The following ZNF157 variants were observed in gnomAD, a reference collection of about 807,000 sequenced individuals.
ZNF157 encodes zinc finger protein 157.
A neutral mutation model predicts 9.4 loss-of-function variants in ZNF157; 8 were observed. The ratio of observed to expected loss-of-function variants is 0.85; its 90% CI spans 0.50 to 1.53. The LOEUF is 1.53. Ranked by LOEUF, ZNF157 falls within the 40% of genes most tolerant of loss-of-function variation. The probability of loss-of-function intolerance (pLI) is 0.00; values close to 1 mark genes in which losing one functional copy is unlikely to be tolerated. For missense variants in ZNF157, 316 were observed against 385.2 expected (o/e 0.82, Z 1.50); for synonymous variants, 120 against 130.8 (o/e 0.92, Z 0.56).
intron 1 of ZNF157, among the ~76,000 whole-genome samples, chrX:47,401,100 G>A (rs764467620): frequency 1.8e-5 from 2 of 112,153 alleles, no homozygotes; most frequent in East Asian, 5.6e-4. Context: ...CGTATAAACT[G>A]TTTGCATTAT....
chrX:47,397,518 G>A (rs1400820172), intron 1 of ZNF157, among the ~76,000 whole-genome samples: 1 of 110,766 alleles, frequency 9.0e-6, no homozygotes, highest in Admixed American at 9.7e-5. Context: ...GGGTTCAAGC[G>A]ATTCTCCTGC....
chrX:47,399,297 C>A (rs776585385), intron 1 of ZNF157, among the ~76,000 whole-genome samples: 5 of 111,052 alleles, frequency 4.5e-5, no homozygotes. Context: ...CACTGTCAAC[C>A]GCAATTTTGT....
chrX:47,391,882 A>G (rs1194816712), intron 1 of ZNF157, among the ~76,000 whole-genome samples: 2 of 89,910 alleles, frequency 2.2e-5, no homozygotes, highest in African/African-American at 8.6e-5. Context: ...TGGATACTGA[A>G]CCTGTATTGA....
chrX:47,375,660 A>G (rs1334453958), intron 1 of ZNF157, among the ~76,000 whole-genome samples: 1 of 106,755 alleles, frequency 9.4e-6, no homozygotes, highest in African/African-American at 3.4e-5. Context: ...CCGAACCTCT[A>G]TCAACCACTC....
chrX:47,371,347 A>G (rs2055828243), intron 1 of ZNF157, among the ~76,000 whole-genome samples: 1 of 109,125 alleles, frequency 9.2e-6, no homozygotes, highest in Non-Finnish European at 1.9e-5. Flanking sequence ...AAAAAAAAAA[A>G]AAGTTTTATT....
chrX:47,398,486 T>C (rs1210977308), intron 1 of ZNF157, among the ~76,000 whole-genome samples: 3 of 109,104 alleles, frequency 2.7e-5, no homozygotes, highest in Non-Finnish European at 5.6e-5. Flanking sequence ...CTATTATTTC[T>C]TTTTTTATTT....
chrX:47,409,723 A>G (rs1329936363), intron 1 of ZNF157, among the ~76,000 whole-genome samples: 1 of 106,599 alleles, frequency 9.4e-6, no homozygotes, highest in Admixed American at 1.0e-4. Context: ...GGCTCACTGC[A>G]ACCTCCGCCT....
At chrX:47,378,752 C>T (rs746073618) in intron 1 of ZNF157, among the ~76,000 whole-genome samples, 3 of 110,981 alleles carry the variant, frequency 2.7e-5, no homozygotes, top group Non-Finnish European at 5.7e-5. Flanking sequence ...GCAGGAGAAT[C>T]GCTTGAACCC....
At chrX:47,375,250 T>C (rs112918620) in intron 1 of ZNF157, among the ~76,000 whole-genome samples, 42,863 of 107,087 alleles carry the variant, frequency 0.4, 7,092 homozygotes, top group African/African-American at 0.61. Flanking sequence ...CTCCTGACCT[T>C]GTGATCCACC....
chrX:47,398,611 G>A (rs1017660439), intron 1 of ZNF157, among the ~76,000 whole-genome samples: 75 of 110,590 alleles, frequency 6.8e-4, no homozygotes, highest in African/African-American at 2.2e-3. Flanking sequence ...GGGTTCAAGC[G>A]ATTCTCCTGC....
At chrX:47,372,490 T>C (rs947843211) in intron 1 of ZNF157, among the ~76,000 whole-genome samples, 2 of 94,497 alleles carry the variant, frequency 2.1e-5, no homozygotes, top group East Asian at 6.4e-4. Flanking sequence ...GATTTATTTG[T>C]ATTCTTTTTT....
At chrX:47,396,313 G>A (rs963132119) in intron 1 of ZNF157, among the ~76,000 whole-genome samples, 1 of 110,801 alleles carries the variant, frequency 9.0e-6, no homozygotes, top group Non-Finnish European at 1.9e-5. Flanking sequence ...GCCAAGGTGG[G>A]CAGATCATCT....
chrX:47,394,230 G>A (rs753477992), intron 1 of ZNF157, among the ~76,000 whole-genome samples: 1 of 111,249 alleles, frequency 9.0e-6, no homozygotes, highest in East Asian at 2.8e-4. Flanking sequence ...CCAAAGTGCT[G>A]GGATTACAGG....
At chrX:47,389,295 T>C (rs2055889836) in intron 1 of ZNF157, among the ~76,000 whole-genome samples, 1 of 109,323 alleles carries the variant, frequency 9.1e-6, no homozygotes, top group African/African-American at 3.3e-5. Context: ...GACCTCTGAC[T>C]CCTGGGTTCT....
chrX:47,393,741 C>CT (rs1340299146), intron 1 of ZNF157, among the ~76,000 whole-genome samples: 1 of 30,943 alleles, frequency 3.2e-5, no homozygotes, highest in African/African-American at 3.6e-4. Flanking sequence ...CCCTCCCCCG[C>CT]CCTTTTTTTT....
At chrX:47,410,872 A>T in intron 3 of ZNF157, 97 bp downstream of exon 3, 1 of 706,204 alleles carries the variant, frequency 1.4e-6, no homozygotes. Flanking sequence ...CTTTCTAGGA[A>T]TCTCTTTTTA....
chrX:47,373,959 G>A (rs1172115195), intron 1 of ZNF157, among the ~76,000 whole-genome samples: 1 of 109,345 alleles, frequency 9.1e-6, no homozygotes, highest in Non-Finnish European at 1.9e-5. Flanking sequence ...GCCTCCCAAA[G>A]TGCTGGCATT....
chrX:47,410,886 T>A (rs997072152), intron 3 of ZNF157, 111 bp downstream of exon 3: 11 of 595,347 alleles, frequency 1.8e-5, no homozygotes, highest in Non-Finnish European at 2.9e-5. Flanking sequence ...CTTTTTAGAG[T>A]TCCTAGCTCT....
intron 1 of ZNF157, chrX:47,388,580 T>C (rs1233500923): frequency 8.9e-6 from 1 of 112,644 alleles, no homozygotes; most frequent in African/African-American, 3.3e-5. Flanking sequence ...GCCTCCTGAG[T>C]TGGTGGGATT....
Sources: gnomAD v4.1 joint callset for allele counts (sites outside exome capture counted in the v4.1 genomes callset) on GRCh38, gnomAD v4.1.1 for gene constraint, MANE v1.5 for transcripts, NCBI Gene and HGNC (gene_info 2026-07-23, HGNC 2026-07-21) for gene names.